CCDC88C: variants seen among roughly 807,000 people sequenced by gnomAD.
CCDC88C encodes the protein coiled-coil and HOOK domain protein 88C, also known as protein Daple.
A neutral mutation model predicts 198.8 loss-of-function variants in CCDC88C; 131 were observed. The ratio of observed to expected loss-of-function variants is 0.66; its 90% confidence interval spans 0.57 to 0.76. CCDC88C has a LOEUF of 0.76. Among genes scored for constraint, CCDC88C ranks in the 30% least tolerant of loss-of-function variants. The probability of loss-of-function intolerance (pLI) is 0.00; values close to 1 mark genes in which losing one functional copy is unlikely to be tolerated. For missense variants in CCDC88C, 2,553 were observed against 2,631.6 expected, an observed-to-expected ratio of 0.97 and a Z score of 0.65; for synonymous variants, 1,166 against 1,114.7, an observed-to-expected ratio of 1.05 and a Z score of -0.92.
chr14:91,330,886 G>A (rs1181392844), intron 10 of CCDC88C, among the ~76,000 whole-genome samples: 3 of 152,232 alleles, frequency 2.0e-5, no homozygotes, highest in East Asian at 3.9e-4. Flanking sequence ...CAGGGCAGGT[G>A]AGCCATCCCT....
intron 13 of CCDC88C, among the ~76,000 whole-genome samples, chr14:91,319,600 T>C: frequency 6.6e-6 from 1 of 152,256 alleles, no homozygotes; most frequent in African/African-American, 2.4e-5. Context: ...GGTACCTTAC[T>C]GGTTCTTCTC....
chr14:91,367,432 C>T (rs961527671), intron 3 of CCDC88C, among the ~76,000 whole-genome samples: 2 of 152,208 alleles, frequency 1.3e-5, no homozygotes, highest in African/African-American at 4.8e-5. Context: ...GCATGAGTGA[C>T]GTCGGCTTCG....
chr14:91,313,080 C>T lies in CCDC88C; in HGVS notation c.2736G>A (p.Glu912=). 6.4e-7 allele frequency: 1 copy of T among 1,572,114 alleles called. No homozygotes were observed. Among genetic ancestry groups the T allele is most frequent in the Non-Finnish European group, 8.6e-7 (1 of 1,156,406 alleles). The change falls in exon 15 of 30, where the codon GAG becomes GAA. Residue 912 remains glutamate, a splice_region_variant and synonymous_variant. Transcript: ENST00000389857. The surrounding 1 kb of genome is among the most constrained non-coding windows in gnomAD (Gnocchi z 5.2). ...ACAGGCGCCGCCTGTGTTTGCTCAC[C>T]TCCCTCAGAGTTGTCAGTGTCCTTG... The part of the protein sequence containing the change: ...VHARTLTTLR[E]DLVLEKLKSQ...
chr14:91,287,773 C>T (rs1242614090), intron 25 of CCDC88C, among the ~76,000 whole-genome samples: 1 of 152,008 alleles, frequency 6.6e-6, no homozygotes, highest in East Asian at 1.9e-4. Context: ...TATCCTCCGC[C>T]TCCAAGACCC....
chr14:91,364,164 T>G (rs989650149), intron 3 of CCDC88C, among the ~76,000 whole-genome samples: 3 of 152,208 alleles, frequency 2.0e-5, no homozygotes, highest in Admixed American at 2.0e-4. Context: ...CTCTGTCTTG[T>G]CACCGGTCCT....
At chr14:91,312,719 A>G (rs902039061) in intron 15 of CCDC88C, among the ~76,000 whole-genome samples, 1 of 152,220 alleles carries the variant, frequency 6.6e-6, no homozygotes, top group Non-Finnish European at 1.5e-5. Context: ...AAACAAACAA[A>G]TATCTTACGG....
intron 10 of CCDC88C, among the ~76,000 whole-genome samples, chr14:91,331,494 C>CATGG (rs879613227): frequency 1.3e-5 from 2 of 152,186 alleles, no homozygotes; most frequent in African/African-American, 2.4e-5. Flanking sequence ...TCCTGGTCAC[C>CATGG]ATGGTGGGGT....
intron 3 of CCDC88C, among the ~76,000 whole-genome samples, chr14:91,384,965 T>C (rs969114246): frequency 7.9e-5 from 12 of 152,130 alleles, no homozygotes. Context: ...GATGACAAAC[T>C]TTTTCCTTCC....
rs186738597 is a variant in CCDC88C, at chr14:91,314,136, C to T, written c.1680G>A (p.Glu560=). Residue 560 remains glutamate (E), a synonymous_variant, in exon 15 of 30, where the codon GAG becomes GAA. Coordinates refer to ENST00000389857, the MANE Select transcript of CCDC88C (RefSeq NM_001080414.4). Reference sequence around the variant, plus strand: ...CTCGGTTGAGGTGGTCCTTTTCCTGCTCAAGGTCCTTGATCTACGGGAAAA... The same window carrying T: ...CTCGGTTGAGGTGGTCCTTTTCCTGTTCAAGGTCCTTGATCTACGGGAAAA... ...ADKARQIKDL[E]QEKDHLNRAM... 1.4e-4 allele frequency: 233 copies of T among 1,610,366 alleles called. No individual in the cohort carries two copies. The highest frequency in any genetic ancestry group is 1.9e-4 in the Non-Finnish European group (219 of 1,178,614).
At chr14:91,305,011 G>A (rs1891499404) in intron 19 of CCDC88C, among the ~76,000 whole-genome samples, 1 of 152,170 alleles carries the variant, frequency 6.6e-6, no homozygotes, top group Non-Finnish European at 1.5e-5. Flanking sequence ...GGGAGGTGAG[G>A]TGGGTGGATC....
chr14:91,343,491 C>CTGAA (rs1212501301), intron 5 of CCDC88C, 108 bp downstream of exon 5: 5 of 1,521,188 alleles, frequency 3.3e-6, no homozygotes, highest in Non-Finnish European at 4.4e-6. Flanking sequence ...TCATATTGGA[C>CTGAA]TGAAAGGAGC....
intron 3 of CCDC88C, among the ~76,000 whole-genome samples, chr14:91,402,046 G>A (rs7158570): frequency 7.2e-5 from 11 of 152,130 alleles, no homozygotes; most frequent in South Asian, 6.2e-4. Flanking sequence ...AGGGTGAGGC[G>A]GGAGGATTGC....
intron 3 of CCDC88C, among the ~76,000 whole-genome samples, chr14:91,380,349 G>A (rs1285590826): frequency 2.0e-5 from 3 of 152,168 alleles, no homozygotes; most frequent in Non-Finnish European, 4.4e-5. Flanking sequence ...TGCTGGTGTA[G>A]GAGTCAGGCC....
Position 91,274,689 on chromosome 14 carries a change from G to A in CCDC88C, c.5059-1036C>T, listed in dbSNP as rs112571840. On this transcript the variant is annotated intron_variant, in intron 29 of 29. Coordinates refer to ENST00000389857, the MANE Select transcript of CCDC88C (RefSeq NM_001080414.4). ...CTTGGGTGGGCGTCCAGTAAGACCCGTGATATCACAGGTACCTTTCATCAC... is the reference window on the plus strand; with the variant it reads ...CTTGGGTGGGCGTCCAGTAAGACCCATGATATCACAGGTACCTTTCATCAC... Among the ~76,000 whole-genome samples, 356 of 152,312 alleles carry A rather than the reference G, an allele frequency of 2.3e-3. 2 individuals carry two copies. Among genetic ancestry groups the A allele is most frequent in the African/African-American group, 8.3e-3 (345 of 41,564 alleles).
intron 5 of CCDC88C, 70 bp from the exon 6 acceptor site, chr14:91,342,533 C>A (rs1893355734): frequency 1.0e-6 from 1 of 982,058 alleles, no homozygotes; most frequent in East Asian, 2.6e-5. Flanking sequence ...ACCACAGCCA[C>A]AGAATGACAG....
chr14:91,380,719 G>C (rs1884737246), intron 3 of CCDC88C, among the ~76,000 whole-genome samples: 1 of 151,820 alleles, frequency 6.6e-6, no homozygotes, highest in Non-Finnish European at 1.5e-5. Flanking sequence ...CTCTTAAAAT[G>C]AAGGCCTCTG....
In CCDC88C at chr14:91,273,492, C is replaced by T. The variant is rs374066841; in HGVS notation, c.5220G>A (p.Ser1740=). Reference sequence around the variant, plus strand: ...GCCCGGGCTTCAGCGGCCTCCCCTCCGAGGTGGGGGCGGCCATTTTGACGG... The same window carrying T: ...GCCCGGGCTTCAGCGGCCTCCCCTCTGAGGTGGGGGCGGCCATTTTGACGG... ...APTVKMAAPT[S]EGRPLKPGQY... Residue 1740 remains serine (S), a synonymous_variant, in exon 30 of 30, where the codon TCG becomes TCA. Coordinates refer to ENST00000389857, the MANE Select transcript of CCDC88C (RefSeq NM_001080414.4). This position sits in a 1 kb window ranked among gnomAD's most constrained non-coding sequence, Gnocchi z 5.6. 184 of 1,551,372 alleles carry T rather than the reference C, an allele frequency of 1.2e-4. 1 individual carries two copies. In the African/African-American group the frequency reaches 1.2e-3, roughly 11 times the overall value.
chr14:91,290,097 C>T (rs1484440603), intron 24 of CCDC88C, among the ~76,000 whole-genome samples: 1 of 152,102 alleles, frequency 6.6e-6, no homozygotes, highest in Non-Finnish European at 1.5e-5. Flanking sequence ...CATGGTGAAA[C>T]CCCATCTCTA....
Position 91,417,558 on chromosome 14 carries a change from C to T in CCDC88C, c.60+73G>A, listed in dbSNP as rs1305962407. The stretch of plus-strand genomic sequence containing the variant: ...ACCCGGGGCCCCGGCCGTGTCGGGT[C>T]TGCGGCGTCCCGTCGCCGGGCTAGA... On this transcript the variant is annotated intron_variant, in intron 1 of 29. Transcript: ENST00000389857. 1.0e-5 allele frequency: 15 copies of T among 1,430,058 alleles called. 1 individual carries two copies. The East Asian group carries it at 4.0e-4, about 38-fold the overall frequency. The allele number at this position is 1,430,058 out of a possible 1,614,324, so 88.6% of individuals were successfully genotyped here.
Sources: gnomAD v4.1 joint callset for allele counts (sites outside exome capture counted in the v4.1 genomes callset) on GRCh38, gnomAD v4.1.1 for gene constraint, Gnocchi (gnomAD v3.1) non-coding constraint, MANE v1.5 for transcripts, NCBI Gene and HGNC (gene_info 2026-07-23, HGNC 2026-07-21) for gene names.